ETV1: variants seen among roughly 807,000 people sequenced by gnomAD.
The protein encoded by ETV1 is ETS variant transcription factor 1, also known as ETS translocation variant 1.
In ETV1, 27 loss-of-function variants were observed where a neutral mutation model predicts 62.3. The ratio of observed to expected loss-of-function variants is 0.43; its 90% CI spans 0.32 to 0.60. The LOEUF (loss-of-function observed/expected upper bound fraction) is 0.60, where lower values mean the gene tolerates loss of function less well. Among genes scored for constraint, ETV1 ranks in the 20% least tolerant of loss-of-function variants. The pLI, the probability that ETV1 is intolerant of heterozygous loss-of-function variation, is 0.06. For synonymous variants in ETV1, 222 were observed against 199.6 expected, an observed-to-expected ratio of 1.11 and a Z score of -0.94; for missense variants, 605 against 605.8, an observed-to-expected ratio of 1.00 and a Z score of 0.01.
chr7:13,976,175 A>G (rs1781433449), intron 6 of ETV1, among the ~76,000 whole-genome samples: 1 of 152,230 alleles, frequency 6.6e-6, no homozygotes, highest in Non-Finnish European at 1.5e-5. Context: ...CGGATCAAAA[A>G]TAAAGCTAAT....
chr7:13,930,507 C>G lies in ETV1; in HGVS notation c.802+995G>C, dbSNP rs186747480. On this transcript the variant is annotated intron_variant, in intron 9 of 13. Coordinates refer to ENST00000430479, the MANE Select transcript of ETV1 (RefSeq NM_004956.5). ...CGGTTAATTTTTTGTGTTTTTAGTACAGACAGGGTTTCACCGTGTTAGCCA... is the reference window on the plus strand; with the variant it reads ...CGGTTAATTTTTTGTGTTTTTAGTAGAGACAGGGTTTCACCGTGTTAGCCA... Among the ~76,000 whole-genome samples, 272 of 150,996 alleles carry G rather than the reference C, an allele frequency of 1.8e-3. No individual in the cohort carries two copies. The Middle Eastern group carries it at 0.021, about 12-fold the overall frequency.
At chr7:13,913,232 G>T (rs996708956) in intron 9 of ETV1, among the ~76,000 whole-genome samples, 4 of 152,310 alleles carry the variant, frequency 2.6e-5, no homozygotes, top group Middle Eastern at 3.4e-3. Context: ...ACAAGCTGTA[G>T]TTTAACTCAT....
chr7:13,948,617 G>A (rs918154335), intron 6 of ETV1, among the ~76,000 whole-genome samples: 2 of 152,058 alleles, frequency 1.3e-5, no homozygotes, highest in Non-Finnish European at 2.9e-5. Context: ...ATTCATTTCG[G>A]TCTAGTCTAG....
intron 9 of ETV1, among the ~76,000 whole-genome samples, chr7:13,928,092 T>C (rs922350776): frequency 2.6e-5 from 4 of 152,190 alleles, no homozygotes; most frequent in African/African-American, 9.6e-5. Context: ...ACTCAATCTG[T>C]GCTTTTGAGG....
At chr7:13,979,626 G>T (rs907975538) in intron 5 of ETV1, among the ~76,000 whole-genome samples, 1 of 152,004 alleles carries the variant, frequency 6.6e-6, no homozygotes, top group African/African-American at 2.4e-5. Flanking sequence ...CATTGTTTTG[G>T]TTTTCCCTCA....
In ETV1 at chr7:13,896,013, A is replaced by G; in HGVS notation, c.1287T>C (p.Asn429=). ...EALFSMAFPD[N]QRPLLKTDME... ...TGTCTGTCTTCAGCAGTGGACGCTG[A>G]TTATCTGGAAAGGCCATGGAGAAAA... is the stretch of plus-strand genomic sequence containing the variant. Residue 429 remains asparagine (N), a synonymous_variant, in exon 14 of 14, where the codon AAT becomes AAC. Coordinates refer to ENST00000430479, the MANE Select transcript of ETV1 (RefSeq NM_004956.5). 1 of 1,613,810 alleles carries G rather than the reference A, an allele frequency of 6.2e-7. No homozygotes were observed. The highest frequency in any genetic ancestry group is 8.5e-7 in the Non-Finnish European group (1 of 1,179,838).
In ETV1 at chr7:13,896,008, C is replaced by G; in HGVS notation, c.1292G>C (p.Arg431Pro). 6.2e-7 allele frequency: 1 copy of G among 1,613,628 alleles called. No individual in the cohort carries two copies. The highest frequency in any genetic ancestry group is 2.2e-5 in the East Asian group (1 of 44,868). The change falls in exon 14 of 14, where the codon CGT becomes CCT. Residue 431 changes from arginine to proline, a missense_variant. Arg to Pro is a moderately radical substitution (Grantham distance 103, BLOSUM62 -2). Coordinates refer to ENST00000430479, the MANE Select transcript of ETV1 (RefSeq NM_004956.5). ...LFSMAFPDNQ[R>P]PLLKTDMERH... is the part of the protein sequence containing the mutation. The stretch of plus-strand genomic sequence containing the variant: ...TTCCATGTCTGTCTTCAGCAGTGGA[C>G]GCTGATTATCTGGAAAGGCCATGGA...
At chr7:13,897,544 C>T (rs1184154089) in intron 13 of ETV1, among the ~76,000 whole-genome samples, 1 of 152,122 alleles carries the variant, frequency 6.6e-6, no homozygotes, top group Non-Finnish European at 1.5e-5. Context: ...CTTAGACTAC[C>T]TCTCAGTGGC....
chr7:13,904,817 T>C (rs909170749), intron 12 of ETV1, among the ~76,000 whole-genome samples: 4 of 151,938 alleles, frequency 2.6e-5, no homozygotes, highest in Admixed American at 2.0e-4. Context: ...TAAATGCTTC[T>C]AGTCTCAATT....
At position 13,925,552 on chromosome 7, in the gene ETV1, A is replaced by G. The variant is rs189578863; in HGVS notation, c.802+5950T>C. Among the ~76,000 whole-genome samples the G allele has an allele frequency of 2.0e-3, 295 of 150,584 alleles. 1 individual carries two copies. Among genetic ancestry groups the G allele is most frequent in the African/African-American group, 6.8e-3 (279 of 41,220 alleles). ...TGAGTTTGGACACTTCTCTTCTTCA[A>G]CTATACATTAATTGATTTTTTTTTT... On this transcript the variant is annotated intron_variant, in intron 9 of 13. Transcript: ENST00000430479.
rs75740708 is a variant in ETV1 at position 13,969,801 on chromosome 7, A to C, written c.235+7626T>G. ...TTCATAGGACAACAGGTAAAATCTA[A>C]AACTAATAAAACAAGAAGTTGCAGT... On this transcript the variant is annotated intron_variant, in intron 6 of 13. Transcript: ENST00000430479. 4.0e-3 allele frequency among the ~76,000 whole-genome samples: 603 copies of C among 152,296 alleles called. 3 individuals are homozygous for C. Among genetic ancestry groups the C allele is most frequent in the African/African-American group, 0.014 (566 of 41,570 alleles).
At position 13,893,272 on chromosome 7, in the gene ETV1, GCAGAAAT is replaced by G. The variant is rs1430088185; in HGVS notation, c.*2587_*2593del. The G allele has an allele frequency of 4.3e-6, 1 of 232,080 alleles. No individual in the cohort carries two copies. The highest frequency in any genetic ancestry group is 5.6e-5 in the Admixed American group (1 of 17,758). The allele number at this position is 232,080 out of a possible 1,614,324, so 14.4% of individuals were successfully genotyped here. A position where few individuals can be genotyped will look rare whatever the true frequency, so the allele number is the denominator to read the frequency against. ...GAGAAATTCAAAACACAAGAATCTT[GCAGAAAT>G]CAGCTGCCAGATTTATTAATCTACC... On this transcript the variant is annotated 3_prime_UTR_variant, in exon 14 of 14. Transcript: ENST00000430479.
chr7:13,962,246 G>A (rs1293709495), intron 6 of ETV1, among the ~76,000 whole-genome samples: 1 of 151,196 alleles, frequency 6.6e-6, no homozygotes, highest in Non-Finnish European at 1.5e-5. Flanking sequence ...GTCACCCTAG[G>A]GGAGATAATA....
At position 13,891,857 on chromosome 7, in the gene ETV1, CACTT is replaced by C. The variant is rs1781403577; in HGVS notation, c.*4005_*4008del. 4.3e-6 allele frequency: 1 copy of C among 231,328 alleles called. No homozygotes were observed. The highest frequency in any genetic ancestry group is 8.5e-6 in the Non-Finnish European group (1 of 117,028). The allele number at this position is 231,328 out of a possible 1,614,324, so 14.3% of individuals were successfully genotyped here. ...AATCGCAAATGGAAAATAGCTTACTCACTTCTTATTTTTAAATTTTAGTTTTTGT... is the reference window on the plus strand; with the variant it reads ...AATCGCAAATGGAAAATAGCTTACTCCTTATTTTTAAATTTTAGTTTTTGT... On this transcript the variant is annotated 3_prime_UTR_variant, in exon 14 of 14. Transcript: ENST00000430479.
intron 6 of ETV1, among the ~76,000 whole-genome samples, chr7:13,970,279 C>A (rs1335347378): frequency 1.0e-3 from 23 of 22,926 alleles, no homozygotes; most frequent in African/African-American, 2.3e-3. Flanking sequence ...CACACACACA[C>A]ACACACACAC....
At chr7:13,897,583 C>T (rs1012640416) in intron 13 of ETV1, among the ~76,000 whole-genome samples, 5 of 152,124 alleles carry the variant, frequency 3.3e-5, no homozygotes, top group Admixed American at 6.5e-5. Context: ...ACAGGAATGG[C>T]GCCTCAGAAA....
At chr7:13,970,548 T>A (rs1780798560) in intron 6 of ETV1, among the ~76,000 whole-genome samples, 1 of 152,012 alleles carries the variant, frequency 6.6e-6, no homozygotes, top group Admixed American at 6.6e-5. Flanking sequence ...TGTTCTTAAA[T>A]CCAAAAAAAT....
intron 13 of ETV1, among the ~76,000 whole-genome samples, chr7:13,899,171 A>C (rs1782144430): frequency 6.6e-6 from 1 of 152,182 alleles, no homozygotes; most frequent in African/African-American, 2.4e-5. Flanking sequence ...CAGCCCAGGC[A>C]ATGTGCCCCC....
At chr7:13,913,762 T>C (rs1358781801) in intron 9 of ETV1, among the ~76,000 whole-genome samples, 3 of 152,108 alleles carry the variant, frequency 2.0e-5, no homozygotes, top group African/African-American at 7.2e-5. Flanking sequence ...TTTTGGAATA[T>C]TTTTCACAAA....
Sources: gnomAD v4.1 joint callset for allele counts (sites outside exome capture counted in the v4.1 genomes callset) on GRCh38, gnomAD v4.1.1 for gene constraint, MANE v1.5 for transcripts, NCBI Gene and HGNC (gene_info 2026-07-23, HGNC 2026-07-21) for gene names.